The following UACA variants were observed in gnomAD, a reference collection of about 807,000 sequenced individuals.
UACA encodes the protein uveal autoantigen with coiled-coil domains and ankyrin repeats.
A neutral mutation model predicts 160.5 loss-of-function variants in UACA; 112 were observed. The ratio of observed to expected loss-of-function variants is 0.70; its 90% CI spans 0.60 to 0.82. UACA has a LOEUF of 0.82. UACA is among the 40% of genes least tolerant of loss of function. The pLI is 0.00. For missense variants in UACA, 1,574 were observed against 1,614.6 expected (o/e 0.97, Z 0.43); for synonymous variants, 557 against 568.4 (o/e 0.98, Z 0.29).
rs371417000 is a variant in UACA, at chr15:70,664,834, G to A, written c.3961-20C>T. The A allele has an allele frequency of 3.4e-5, 55 of 1,600,456 alleles. No individual in the cohort carries two copies. The Admixed American group carries it at 6.0e-4, about 17-fold the overall frequency. On this transcript the variant is annotated intron_variant, in intron 16 of 18. Transcript: ENST00000322954. ...AGTTATCTTTAAAAAAATGTTGTAG[G>A]AGAAATATATTATTCACTTATCATG...
At chr15:70,770,755 A>G in the UACA span, among the ~76,000 whole-genome samples, 1 of 152,228 alleles carries the variant, frequency 6.6e-6, no homozygotes, top group African/African-American at 2.4e-5. Context: ...TTTAAGGCTA[A>G]ACTAAAAGGC....
intron 1 of UACA, among the ~76,000 whole-genome samples, chr15:70,703,830 T>C (rs1340209470): frequency 6.6e-6 from 1 of 152,106 alleles, no homozygotes; most frequent in Non-Finnish European, 1.5e-5. Flanking sequence ...CCAAGAGCCC[T>C]ACGCAAATTC....
chr15:70,683,505 T>C (rs143706356), intron 8 of UACA, among the ~76,000 whole-genome samples: 87 of 152,252 alleles, frequency 5.7e-4, no homozygotes, highest in African/African-American at 2.0e-3. Context: ...AATAAAAATA[T>C]ACTAAAATAT....
chr15:70,677,070 A>C, intron 12 of UACA, 38 bp downstream of exon 12: 1 of 1,555,014 alleles, frequency 6.4e-7, no homozygotes, highest in South Asian at 1.2e-5. Context: ...TCAATTCCTA[A>C]AACAATTTTA....
chr15:70,675,917 C>T (rs559785270), intron 13 of UACA, among the ~76,000 whole-genome samples: 27 of 152,204 alleles, frequency 1.8e-4, no homozygotes, highest in African/African-American at 5.5e-4. Flanking sequence ...CAGACATGAA[C>T]GCCAGAGCCT....
intron 1 of UACA, among the ~76,000 whole-genome samples, chr15:70,702,853 T>C (rs968819125): frequency 6.6e-6 from 1 of 152,214 alleles, no homozygotes; most frequent in African/African-American, 2.4e-5. Context: ...AAACATTAAA[T>C]AGAATACATA....
rs368210233 is a variant in UACA at position 70,700,244 on chromosome 15, C to G, written c.79-584G>C. Among the ~76,000 whole-genome samples, 185 of 148,308 alleles carry G rather than the reference C, an allele frequency of 1.2e-3. 2 individuals are homozygous for G. The highest frequency in any genetic ancestry group is 4.4e-3 in the African/African-American group (172 of 39,162). On this transcript the variant is annotated intron_variant, in intron 1 of 18. Transcript: ENST00000322954. Reference sequence around the variant, plus strand: ...ATACATTTTAAGAAACTACCCCCCCCCAACACAGACATTTATTTAAAAAGT... The same window carrying G: ...ATACATTTTAAGAAACTACCCCCCCGCAACACAGACATTTATTTAAAAAGT...
intron 1 of UACA, among the ~76,000 whole-genome samples, chr15:70,721,179 G>A (rs1476054247): frequency 6.6e-6 from 1 of 152,204 alleles, no homozygotes; most frequent in Non-Finnish European, 1.5e-5. Flanking sequence ...AGTGTGAGAT[G>A]CCTTAGGTGG....
intron 1 of UACA, among the ~76,000 whole-genome samples, chr15:70,716,860 C>T (rs1377534689): frequency 6.6e-6 from 1 of 152,136 alleles, no homozygotes; most frequent in Non-Finnish European, 1.5e-5. Context: ...ATCTAAAAGA[C>T]AATCTGAATG....
chr15:70,741,523 A>T (rs1181769914), intron 1 of UACA, among the ~76,000 whole-genome samples: 1 of 152,250 alleles, frequency 6.6e-6, no homozygotes, highest in Non-Finnish European at 1.5e-5. Context: ...GGGGCATTCC[A>T]GGAAGTTTCC....
At chr15:70,694,062 T>C (rs1898037930) in intron 3 of UACA, among the ~76,000 whole-genome samples, 1 of 152,116 alleles carries the variant, frequency 6.6e-6, no homozygotes, top group South Asian at 2.1e-4. Flanking sequence ...TATTTGCCCC[T>C]ACATGGAATC....
chr15:70,678,156 C>A lies in UACA; in HGVS notation c.942G>T (p.Gln314His). 1.9e-6 allele frequency: 3 copies of A among 1,611,408 alleles called. No individual in the cohort carries two copies. Among genetic ancestry groups the A allele is most frequent in the Non-Finnish European group, 2.5e-6 (3 of 1,179,352 alleles). Residue 314 changes from glutamine to histidine, a missense_variant, in exon 11 of 19, where the codon CAG becomes CAT. Transcript: ENST00000322954. ...EDLKERLRKI[Q>H]QEQRILLDKV... ...TATCCAAAAGTATTCTTTGTTCTTGCTGAATTTTTCTCAACCTCTCTTTCA... is the reference window on the plus strand; with the variant it reads ...TATCCAAAAGTATTCTTTGTTCTTGATGAATTTTTCTCAACCTCTCTTTCA...
At chr15:70,710,604 A>G (rs1225094296) in intron 1 of UACA, among the ~76,000 whole-genome samples, 1 of 152,158 alleles carries the variant, frequency 6.6e-6, no homozygotes, top group African/African-American at 2.4e-5. Flanking sequence ...TGTGCTTCTG[A>G]CCAACTGCCT....
At chr15:70,738,934 C>T (rs1212976593) in intron 1 of UACA, among the ~76,000 whole-genome samples, 2 of 152,208 alleles carry the variant, frequency 1.3e-5, no homozygotes, top group Non-Finnish European at 2.9e-5. Flanking sequence ...TTAGATGGCC[C>T]AGCATGGGCT....
At chr15:70,671,529 T>C (rs1897140423) in intron 14 of UACA, 1 of 158,328 alleles carries the variant, frequency 6.3e-6, no homozygotes, top group Non-Finnish European at 1.4e-5. Flanking sequence ...AGAAACTGTT[T>C]AACATTGCAG....
chr15:70,758,010 A>G (rs1362347941), intron 1 of UACA, among the ~76,000 whole-genome samples: 1 of 152,240 alleles, frequency 6.6e-6, no homozygotes, highest in Non-Finnish European at 1.5e-5. Flanking sequence ...GCAACTGCTG[A>G]GCAAAGTCTA....
At chr15:70,717,051 G>GATATGGAGAA (rs1595907254) in intron 1 of UACA, among the ~76,000 whole-genome samples, 2 of 152,170 alleles carry the variant, frequency 1.3e-5, no homozygotes, top group East Asian at 3.9e-4. Context: ...GAGAAATCCC[G>GATATGGAGAA]TCTCTATCAA....
At chr15:70,771,561 A>G in the UACA span, among the ~76,000 whole-genome samples, 1 of 152,226 alleles carries the variant, frequency 6.6e-6, no homozygotes, top group Admixed American at 6.5e-5. Flanking sequence ...GTGAGATGAT[A>G]CTGAGGAATC....
At chr15:70,691,947 G>C (rs150060323) in intron 3 of UACA, among the ~76,000 whole-genome samples, 87 of 152,220 alleles carry the variant, frequency 5.7e-4, no homozygotes, top group African/African-American at 2.0e-3. Flanking sequence ...ATGCCAAAGG[G>C]GGTAGGGAGG....
Sources: gnomAD v4.1 joint callset for allele counts (sites outside exome capture counted in the v4.1 genomes callset) on GRCh38, gnomAD v4.1.1 for gene constraint, MANE v1.5 for transcripts, NCBI Gene and HGNC (gene_info 2026-07-23, HGNC 2026-07-21) for gene names.